Variants in SND1 observed in about 807,000 individuals in gnomAD.
The protein encoded by SND1 is staphylococcal nuclease domain-containing protein 1.
SND1 carries 38 observed loss-of-function variants against 121.7 expected under a neutral mutation model. The observed-to-expected ratio is 0.31, with a 90% confidence interval of 0.24 to 0.41. The LOEUF is 0.41. Ranked by LOEUF, SND1 falls within the 10% of genes least tolerant of loss-of-function variation. SND1 has a pLI of 1.00. For synonymous variants in SND1, 401 were observed against 447.4 expected (o/e 0.90, Z 1.31); for missense variants, 868 against 1,184.6 (o/e 0.73, Z 3.92).
rs36124178 is a variant in SND1 at position 128,003,476 on chromosome 7, A to G, written c.1779+12420A>G. ...AATGGTTACCAGAAAAGGATTTGGC[A>G]TTGGGTGTACAGCTAGAGGTGGAAG... On this transcript the variant is annotated intron_variant, in intron 16 of 23. Coordinates refer to ENST00000354725, the MANE Select transcript of SND1 (RefSeq NM_014390.4). Among the ~76,000 whole-genome samples the G allele has an allele frequency of 2.3e-3, 354 of 152,234 alleles. 1 individual carries two copies. The highest frequency in any genetic ancestry group is 3.4e-3 in the Middle Eastern group (1 of 294).
chr7:128,082,257 A>G (rs1168828699), intron 18 of SND1, among the ~76,000 whole-genome samples: 1 of 152,216 alleles, frequency 6.6e-6, no homozygotes, highest in Non-Finnish European at 1.5e-5. Flanking sequence ...TTTGGAGCGG[A>G]AGGAAAAGCT....
chr7:128,055,805 G>A (rs3757757), intron 16 of SND1, among the ~76,000 whole-genome samples: 16,660 of 152,160 alleles, frequency 0.11, 1,181 homozygotes, highest in Admixed American at 0.21. Context: ...TCTGCTTCCT[G>A]GCCTTTCTCA....
chr7:128,059,280 A>T (rs1048477173), intron 16 of SND1, among the ~76,000 whole-genome samples: 2 of 152,182 alleles, frequency 1.3e-5, no homozygotes, highest in Non-Finnish European at 2.9e-5. Context: ...TGTACCACTC[A>T]GCAGTCATGT....
chr7:127,906,236 T>C (rs1477923941), intron 14 of SND1, among the ~76,000 whole-genome samples: 1 of 152,170 alleles, frequency 6.6e-6, no homozygotes, highest in East Asian at 1.9e-4. Context: ...CTTAGAATCC[T>C]GAGAAGCCCA....
intron 12 of SND1, among the ~76,000 whole-genome samples, chr7:127,852,387 C>T (rs56280073): frequency 0.096 from 14,419 of 150,044 alleles, 715 homozygotes; most frequent in South Asian, 0.17. Context: ...ACTTGGGAGG[C>T]TGAGGCAGGA....
chr7:127,697,737 G>A (rs1796030802), intron 3 of SND1, among the ~76,000 whole-genome samples: 1 of 152,178 alleles, frequency 6.6e-6, no homozygotes, highest in South Asian at 2.1e-4. Context: ...ATTTGCCCCT[G>A]CAGAAATTTG....
intron 12 of SND1, among the ~76,000 whole-genome samples, chr7:127,855,253 A>G (rs933712919): frequency 1.3e-5 from 2 of 151,942 alleles, no homozygotes; most frequent in African/African-American, 4.8e-5. Flanking sequence ...CCAAGTAGCT[A>G]GGACCACAGC....
At chr7:127,783,708 GA>G (rs1017427722) in intron 10 of SND1, among the ~76,000 whole-genome samples, 11 of 151,370 alleles carry the variant, frequency 7.3e-5, no homozygotes, top group Admixed American at 2.0e-4. Flanking sequence ...AATTTTATGA[GA>G]AAAAAAAATT....
Position 127,954,609 on chromosome 7 carries a change from G to A in SND1, c.1669+25280G>A, listed in dbSNP as rs572807187. On this transcript the variant is annotated intron_variant, in intron 15 of 23. Transcript: ENST00000354725. Reference sequence around the variant, plus strand: ...GAGCTTTGTGTTTGTGTTGGCAGAAGTTAGGATCTGGAGAGCAATATTTCT... The same window carrying A: ...GAGCTTTGTGTTTGTGTTGGCAGAAATTAGGATCTGGAGAGCAATATTTCT... Among the ~76,000 whole-genome samples the A allele has an allele frequency of 3.9e-5, 6 of 152,306 alleles. No homozygotes were observed. The South Asian group carries it at 1.2e-3, about 32-fold the overall frequency.
At chr7:127,700,220 T>G (rs1796077670) in intron 4 of SND1, among the ~76,000 whole-genome samples, 1 of 152,222 alleles carries the variant, frequency 6.6e-6, no homozygotes, top group Admixed American at 6.5e-5. Context: ...CCTCCAAAAT[T>G]GTTTTGACTT....
intron 16 of SND1, among the ~76,000 whole-genome samples, chr7:128,034,987 AAG>A (rs1792721118): frequency 6.6e-6 from 1 of 152,206 alleles, no homozygotes. Context: ...CTTACACCCT[AAG>A]AGGAAGAGAC....
At chr7:127,944,555 T>G (rs917831) in intron 15 of SND1, among the ~76,000 whole-genome samples, 1 of 152,092 alleles carries the variant, frequency 6.6e-6, no homozygotes, top group Non-Finnish European at 1.5e-5. Context: ...CTAAACTGAG[T>G]CATTAATAAT....
intron 16 of SND1, among the ~76,000 whole-genome samples, chr7:128,010,534 G>A (rs1364032767): frequency 1.3e-5 from 2 of 152,210 alleles, no homozygotes; most frequent in Non-Finnish European, 2.9e-5. Context: ...GAGGCTTCCA[G>A]TGAGTCTAGT....
At chr7:128,055,302 C>T (rs1793120661) in intron 16 of SND1, among the ~76,000 whole-genome samples, 2 of 152,174 alleles carry the variant, frequency 1.3e-5, no homozygotes, top group South Asian at 4.1e-4. Flanking sequence ...CTTGTCATCT[C>T]AGTGTGGCTG....
At chr7:127,946,077 G>C (rs1427410622) in intron 15 of SND1, among the ~76,000 whole-genome samples, 1 of 152,170 alleles carries the variant, frequency 6.6e-6, no homozygotes, top group African/African-American at 2.4e-5. Context: ...CCTTTCTTTT[G>C]GGATGATCAA....
chr7:127,978,423 T>C (rs1802178615), intron 15 of SND1, among the ~76,000 whole-genome samples: 1 of 152,146 alleles, frequency 6.6e-6, no homozygotes, highest in African/African-American at 2.4e-5. Context: ...GCAGTTATAA[T>C]GAAGAACAGA....
chr7:128,076,023 C>T (rs1026522008), intron 17 of SND1, among the ~76,000 whole-genome samples: 1 of 152,192 alleles, frequency 6.6e-6, no homozygotes. Context: ...GGGGGTAGAG[C>T]GGCAAGCCCC....
chr7:127,789,707 G>A (rs1200452805), intron 10 of SND1, among the ~76,000 whole-genome samples: 14 of 152,150 alleles, frequency 9.2e-5, no homozygotes. Flanking sequence ...GTTCTTTCAG[G>A]CCTGATAGCA....
At chr7:127,798,054 T>C (rs1293320065) in intron 10 of SND1, among the ~76,000 whole-genome samples, 1 of 152,218 alleles carries the variant, frequency 6.6e-6, no homozygotes, top group Non-Finnish European at 1.5e-5. Context: ...ACGCAGATTT[T>C]TTTTCTTACA....
Sources: allele counts gnomAD v4.1 joint callset (sites outside exome capture counted in the v4.1 genomes callset), GRCh38; gene constraint gnomAD v4.1.1; transcripts MANE v1.5; gene names NCBI Gene and HGNC (gene_info 2026-07-23, HGNC 2026-07-21).